Variants in PDCD1 observed in about 807,000 individuals in gnomAD.
PDCD1 encodes the protein programmed cell death 1, also known as programmed cell death protein 1.
In PDCD1, 10 loss-of-function variants were observed where a neutral mutation model predicts 23.6. The ratio of observed to expected loss-of-function variants is 0.42; its 90% CI spans 0.26 to 0.72. The LOEUF (loss-of-function observed/expected upper bound fraction) is 0.72. PDCD1 is among the 30% of genes least tolerant of loss of function. PDCD1 has a pLI of 0.24. For missense variants in PDCD1, 313 were observed against 397.8 expected, an observed-to-expected ratio of 0.79 and a Z score of 1.81; for synonymous variants, 168 against 169.3, an observed-to-expected ratio of 0.99 and a Z score of 0.06.
At chr2:241,851,440 C>T (rs1490321692) in intron 4 of PDCD1, 143 bp from the exon 5 acceptor site, 14 of 742,814 alleles carry the variant, frequency 1.9e-5, no homozygotes, top group Admixed American at 2.9e-5. Context: ...CCACCACTGC[C>T]CTCTGTGTGA....
intron 1 of PDCD1, among the ~76,000 whole-genome samples, 174 bp downstream of exon 1, chr2:241,858,589 C>T (rs56067077): frequency 3.3e-5 from 5 of 152,130 alleles, no homozygotes; most frequent in Admixed American, 1.3e-4. Context: ...TGCCACAGCA[C>T]CCCCCGACCT....
chr2:241,855,721 C>A (rs923569724), intron 1 of PDCD1, among the ~76,000 whole-genome samples: 1 of 152,230 alleles, frequency 6.6e-6, no homozygotes, highest in Non-Finnish European at 1.5e-5. Context: ...CCAGACCAGA[C>A]CCGGCATCTC....
At chr2:241,856,648 C>T (rs1701033667) in intron 1 of PDCD1, among the ~76,000 whole-genome samples, 1 of 151,948 alleles carries the variant, frequency 6.6e-6, no homozygotes, top group African/African-American at 2.4e-5. Flanking sequence ...CATAGCGAGA[C>T]CCTGTCTCTA....
At chr2:241,851,803 G>A (rs1700908737) in intron 4 of PDCD1, 146 bp downstream of exon 4, 2 of 850,530 alleles carry the variant, frequency 2.4e-6, no homozygotes, top group Non-Finnish European at 3.9e-6. Context: ...AGGGATTGAG[G>A]TTGCTGCCTG....
intron 1 of PDCD1, 135 bp downstream of exon 1, chr2:241,858,628 C>T (rs1701074873): frequency 1.3e-6 from 1 of 758,918 alleles, no homozygotes; most frequent in African/African-American, 1.7e-5. Flanking sequence ...AAGGTCCCTC[C>T]AGACCCCTCG....
At chr2:241,852,528 T>C in intron 2 of PDCD1, 93 bp downstream of exon 2, 1 of 1,462,574 alleles carries the variant, frequency 6.8e-7, no homozygotes, top group East Asian at 2.4e-5. Context: ...GTCCCTGCCC[T>C]ACGACCCTGG....
intron 1 of PDCD1, among the ~76,000 whole-genome samples, chr2:241,857,455 G>T (rs539424852): frequency 1.3e-5 from 2 of 152,252 alleles, no homozygotes; most frequent in South Asian, 4.1e-4. Flanking sequence ...GCCGGGACAC[G>T]GGGGGAGAGG....
rs55721013 is a variant in PDCD1, at chr2:241,850,620, G to T, written c.*438C>A. ...GGCGTTTCGGGATGCCACTGCCAGG[G>T]GCACCTTGGCTGCTCCAAGGCCATC... On this transcript the variant is annotated 3_prime_UTR_variant, in exon 5 of 5. Coordinates refer to ENST00000334409, the MANE Select transcript of PDCD1 (RefSeq NM_005018.3). 1 of 443,978 alleles carries T rather than the reference G, an allele frequency of 2.3e-6. No homozygotes were observed. The highest frequency in any genetic ancestry group is 2.0e-5 in the African/African-American group (1 of 51,158). 27.5% of individuals were successfully genotyped at this position (443,978 alleles called of 1,614,324 possible).
intron 1 of PDCD1, among the ~76,000 whole-genome samples, chr2:241,856,389 C>T (rs537312527): frequency 2.0e-5 from 3 of 152,346 alleles, no homozygotes; most frequent in East Asian, 3.9e-4. Flanking sequence ...CAGCTCCAGC[C>T]GCCCAGTCCC....
chr2:241,855,124 C>T (rs369846242), intron 1 of PDCD1, among the ~76,000 whole-genome samples: 3 of 152,180 alleles, frequency 2.0e-5, no homozygotes, highest in African/African-American at 7.2e-5. Context: ...TCCGCCCCCC[C>T]CAACCCCCCT....
intron 1 of PDCD1, among the ~76,000 whole-genome samples, chr2:241,855,262 TC>T (rs993915906): frequency 2.0e-5 from 3 of 151,126 alleles, no homozygotes; most frequent in Non-Finnish European, 1.5e-5. Flanking sequence ...CTCTCCCACC[TC>T]CCCCAGCCAG....
At chr2:241,856,471 G>T (rs552643015) in intron 1 of PDCD1, among the ~76,000 whole-genome samples, 420 of 152,314 alleles carry the variant, frequency 2.8e-3, no homozygotes, top group Non-Finnish European at 4.7e-3. Context: ...AAACGTTTTT[G>T]TATATTTTTC....
chr2:241,851,371 G>A, intron 4 of PDCD1, 74 bp from the exon 5 acceptor site: 1 of 1,501,154 alleles, frequency 6.7e-7, no homozygotes, highest in Non-Finnish European at 9.0e-7. Context: ...CCACAGCCTG[G>A]CTGCAGTACC....
Position 241,851,988 on chromosome 2 carries a change from A to C in PDCD1, c.593-5T>G. On this transcript the variant is annotated splice_region_variant and splice_polypyrimidine_tract_variant and intron_variant, in intron 3 of 4. Transcript: ENST00000334409. Reference sequence around the variant, plus strand: ...TGCGCCTGGCTCCTATTGTCCCTGCAGAGAAACACACTTGGGGTCACCAGG... The same window carrying C: ...TGCGCCTGGCTCCTATTGTCCCTGCCGAGAAACACACTTGGGGTCACCAGG... 6.2e-7 allele frequency: 1 copy of C among 1,612,930 alleles called. No homozygotes were observed. The highest frequency in any genetic ancestry group is 1.1e-5 in the South Asian group (1 of 91,024).
At chr2:241,853,011 TGG>T (rs1345366132) in intron 1 of PDCD1, 31 bp from the exon 2 acceptor site, 1 of 1,528,980 alleles carries the variant, frequency 6.5e-7, no homozygotes, top group African/African-American at 1.4e-5. Context: ...AGGAAGGGGC[TGG>T]GTGGCCCCAC....
At chr2:241,858,554 C>A (rs1174628893) in intron 1 of PDCD1, among the ~76,000 whole-genome samples, 1 of 143,804 alleles carries the variant, frequency 7.0e-6, no homozygotes, top group Admixed American at 7.7e-5. Flanking sequence ...GGGTAAGGGG[C>A]AGAGCTGGGG....
In PDCD1 at chr2:241,850,857, C is replaced by G; in HGVS notation, c.*201G>C. ...GGGACGGTGACACCTGCTGCCTGGG[C>G]TCACTGTGGGCATTGAGACATGAGT... On this transcript the variant is annotated 3_prime_UTR_variant, in exon 5 of 5. Coordinates refer to ENST00000334409, the MANE Select transcript of PDCD1 (RefSeq NM_005018.3). The G allele has an allele frequency of 1.5e-6, 1 of 657,074 alleles. No homozygotes were observed. Among genetic ancestry groups the G allele is most frequent in the South Asian group, 1.9e-5 (1 of 52,946 alleles). 40.7% of individuals were successfully genotyped at this position (657,074 alleles called of 1,614,324 possible).
At position 241,858,762 on chromosome 2, in the gene PDCD1, C is replaced by A; in HGVS notation, c.76+1G>T. ...GACACCTGACCGCCGACCCCACCTA[C>A]CTAAGAACCATCCTGGCCGCCAGCC... On this transcript the variant is annotated splice_donor_variant, in intron 1 of 4. Coordinates refer to ENST00000334409, the MANE Select transcript of PDCD1 (RefSeq NM_005018.3). LOFTEE classifies it high-confidence loss of function. 6.3e-7 allele frequency: 1 copy of A among 1,589,060 alleles called. No individual in the cohort carries two copies. The highest frequency in any genetic ancestry group is 8.6e-7 in the Non-Finnish European group (1 of 1,168,168).
Position 241,852,698 on chromosome 2 carries a change from G to C in PDCD1, c.359C>G (p.Thr120Ser). Residue 120 changes from threonine to serine, a missense_variant, in exon 2 of 5, where the codon ACC (threonine) becomes AGC (serine). Physicochemically the swap from Thr to Ser is moderately conservative, Grantham distance 58 (BLOSUM62 1). Coordinates refer to ENST00000334409, the MANE Select transcript of PDCD1 (RefSeq NM_005018.3). ...CAGGGAGATGGCCCCACAGAGGTAGGTGCCGCTGTCATTGCGCCGGGCCCT... is the reference window on the plus strand; with the variant it reads ...CAGGGAGATGGCCCCACAGAGGTAGCTGCCGCTGTCATTGCGCCGGGCCCT... Reference protein sequence around the residue: ...VVRARRNDSGTYLCGAISLAP... With the variant: ...VVRARRNDSGSYLCGAISLAP... The C allele has an allele frequency of 1.2e-6, 2 of 1,613,626 alleles. No individual in the cohort carries two copies. Among genetic ancestry groups the C allele is most frequent in the South Asian group, 2.2e-5 (2 of 91,080 alleles).
Sources: gnomAD v4.1 joint callset for allele counts (sites outside exome capture counted in the v4.1 genomes callset) on GRCh38, gnomAD v4.1.1 for gene constraint, MANE v1.5 for transcripts, NCBI Gene and HGNC (gene_info 2026-07-23, HGNC 2026-07-21) for gene names.